The following DAAM2 variants were observed in gnomAD, a reference collection of about 807,000 sequenced individuals.
DAAM2 encodes dishevelled associated activator of morphogenesis 2.
In DAAM2, 39 loss-of-function variants were observed where a neutral mutation model predicts 120.7. That is an observed-to-expected ratio of 0.32 (90% CI 0.25 to 0.42). DAAM2 has a LOEUF of 0.42. Ranked by LOEUF, DAAM2 falls within the 10% of genes least tolerant of loss-of-function variation. DAAM2 has a pLI of 1.00. For missense variants in DAAM2, 1,283 were observed against 1,401.7 expected, an observed-to-expected ratio of 0.92 and a Z score of 1.35; for synonymous variants, 488 against 524.9, an observed-to-expected ratio of 0.93 and a Z score of 0.96.
At chr6:39,859,440 T>C (rs1477619032) in intron 2 of DAAM2, among the ~76,000 whole-genome samples, 1 of 152,110 alleles carries the variant, frequency 6.6e-6, no homozygotes, top group African/African-American at 2.4e-5. Context: ...GGGAAGAAAT[T>C]TTGTTTGGGA....
At chr6:39,893,366 A>C (rs549421233) in intron 19 of DAAM2, among the ~76,000 whole-genome samples, 92 of 152,214 alleles carry the variant, frequency 6.0e-4, no homozygotes, top group African/African-American at 2.2e-3. Context: ...AAATACAAAA[A>C]AATTAGCCGG....
At chr6:39,863,659 G>C (rs1337128648) in intron 3 of DAAM2, among the ~76,000 whole-genome samples, 1 of 152,178 alleles carries the variant, frequency 6.6e-6, no homozygotes, top group East Asian at 1.9e-4. Flanking sequence ...GATCCATTTG[G>C]CTGGAGAAGG....
At chr6:39,884,199 CCCTT>C (rs1765268045) in intron 15 of DAAM2, 130 bp downstream of exon 15, 3 of 616,154 alleles carry the variant, frequency 4.9e-6, no homozygotes, top group Non-Finnish European at 8.8e-6. Flanking sequence ...TCTTCCCCTT[CCCTT>C]CCTTCTTTCC....
At chr6:39,801,262 C>A (rs1332607141) in intron 1 of DAAM2, among the ~76,000 whole-genome samples, 20 of 152,104 alleles carry the variant, frequency 1.3e-4, no homozygotes, top group Admixed American at 1.3e-3. Flanking sequence ...TTTTAGGCAA[C>A]CCTCAACTGA....
intron 1 of DAAM2, among the ~76,000 whole-genome samples, chr6:39,840,729 C>A (rs1039145991): frequency 6.6e-6 from 1 of 152,162 alleles, no homozygotes; most frequent in African/African-American, 2.4e-5. Flanking sequence ...TGGCAAAGCC[C>A]TGGTCTATCT....
Position 39,799,371 on chromosome 6 carries a change from G to A in DAAM2, c.-57+6906G>A, listed in dbSNP as rs904878164. Among the ~76,000 whole-genome samples, 34 of 152,148 alleles carry A rather than the reference G, an allele frequency of 2.2e-4. 1 individual carries two copies. The highest frequency in any genetic ancestry group is 4.1e-4 in the South Asian group (2 of 4,824). On this transcript the variant is annotated intron_variant, in intron 1 of 24. Transcript: ENST00000274867. ...GGGATTTGGCTCTTTCGTTAGCACC[G>A]TAATAGAAATATGGCCACAAATAAT...
At chr6:39,808,319 C>A (rs1317689240) in intron 1 of DAAM2, among the ~76,000 whole-genome samples, 1 of 152,148 alleles carries the variant, frequency 6.6e-6, no homozygotes, top group Non-Finnish European at 1.5e-5. Flanking sequence ...CTTGCAAGTG[C>A]TAGAAAGTGA....
intron 9 of DAAM2, 85 bp downstream of exon 9, chr6:39,871,657 G>T: frequency 7.7e-7 from 1 of 1,298,646 alleles, no homozygotes. Context: ...ACCCCGTGTT[G>T]TGGCAGGGCT....
At chr6:39,892,318 G>A (rs554207628) in intron 19 of DAAM2, among the ~76,000 whole-genome samples, 5 of 152,326 alleles carry the variant, frequency 3.3e-5, no homozygotes, top group African/African-American at 1.2e-4. Flanking sequence ...GCAATCGCAC[G>A]GGTGGGTGCT....
intron 19 of DAAM2, among the ~76,000 whole-genome samples, chr6:39,895,142 T>C (rs1217802481): frequency 6.6e-6 from 1 of 152,170 alleles, no homozygotes; most frequent in Non-Finnish European, 1.5e-5. Context: ...CCAAGAATAA[T>C]GTGGCTTTTA....
intron 3 of DAAM2, among the ~76,000 whole-genome samples, chr6:39,863,481 C>T (rs912025093): frequency 2.6e-5 from 4 of 151,948 alleles, no homozygotes; most frequent in Non-Finnish European, 4.4e-5. Context: ...CTGCAGGGCC[C>T]GCTGGCAGCT....
At chr6:39,886,495 C>T in intron 15 of DAAM2, 1 of 399,348 alleles carries the variant, frequency 2.5e-6, no homozygotes, top group East Asian at 3.6e-5. Context: ...AACTGCTGTC[C>T]CGGGCTGCTG....
chr6:39,861,475 C>G (rs1266824865), intron 3 of DAAM2: 1 of 291,334 alleles, frequency 3.4e-6, no homozygotes, highest in African/African-American at 2.2e-5. Context: ...CATATCCTCC[C>G]TCTCTTCTTG....
chr6:39,833,329 G>T (rs1762985938), intron 1 of DAAM2, among the ~76,000 whole-genome samples: 1 of 150,960 alleles, frequency 6.6e-6, no homozygotes, highest in Non-Finnish European at 1.5e-5. Context: ...TTCCTGATGG[G>T]AGTCTCGCTC....
chr6:39,863,046 AC>A lies in DAAM2; in HGVS notation c.259-1381del, dbSNP rs565399961. Among the ~76,000 whole-genome samples the A allele has an allele frequency of 2.4e-3, 356 of 151,458 alleles. 3 individuals carry two copies. Among genetic ancestry groups the A allele is most frequent in the Admixed American group, 7.0e-3 (106 of 15,174 alleles). ...ACAAGCCTTCTGTGTTGGATGGATC[AC>A]CCCCCAAGGTCTGCTATGGGTGGCT... On this transcript the variant is annotated intron_variant, in intron 3 of 24. Transcript: ENST00000274867.
At chr6:39,856,196 G>C in intron 1 of DAAM2, 51 bp from the exon 2 acceptor site, 1 of 1,327,210 alleles carries the variant, frequency 7.5e-7, no homozygotes, top group Non-Finnish European at 9.6e-7. Context: ...CCTCTGCCCT[G>C]GCCTATCTGA....
At chr6:39,887,648 G>GA in intron 16 of DAAM2, 56 bp downstream of exon 16, 1 of 1,257,512 alleles carries the variant, frequency 8.0e-7, no homozygotes, top group East Asian at 2.4e-5. Context: ...GGGGGTGGAG[G>GA]AACGGAGTGG....
chr6:39,887,817 C>T, intron 16 of DAAM2: 1 of 503,926 alleles, frequency 2.0e-6, no homozygotes, highest in Non-Finnish European at 3.6e-6. Flanking sequence ...CAGCGTCTGG[C>T]AGCTGAGTTG....
intron 1 of DAAM2, among the ~76,000 whole-genome samples, chr6:39,817,712 A>G (rs1267315314): frequency 7.9e-5 from 12 of 152,136 alleles, no homozygotes; most frequent in Admixed American, 7.9e-4. Flanking sequence ...GAAAGAGCTG[A>G]TGTTGCAGCT....
Sources: allele counts gnomAD v4.1 joint callset (sites outside exome capture counted in the v4.1 genomes callset), GRCh38; gene constraint gnomAD v4.1.1; transcripts MANE v1.5; gene names NCBI Gene and HGNC (gene_info 2026-07-23, HGNC 2026-07-21).